MYO6: variants seen among roughly 807,000 people sequenced by gnomAD.
MYO6 encodes the protein unconventional myosin-VI.
Under a neutral mutation model 178.7 loss-of-function variants are expected in MYO6, and 74 were observed. The ratio of observed to expected loss-of-function variants is 0.41; its 90% CI spans 0.34 to 0.50. The LOEUF (loss-of-function observed/expected upper bound fraction) is 0.50, where lower values mean the gene tolerates loss of function less well. Ranked by LOEUF, MYO6 falls within the 20% of genes least tolerant of loss-of-function variation. The pLI is 0.09. For synonymous variants in MYO6, 477 were observed against 504.6 expected (o/e 0.95, Z 0.73); for missense variants, 1,330 against 1,547.4 (o/e 0.86, Z 2.36).
At chr6:75,870,150 A>G (rs1012694349) in intron 18 of MYO6, among the ~76,000 whole-genome samples, 3 of 152,068 alleles carry the variant, frequency 2.0e-5, no homozygotes, top group Admixed American at 6.6e-5. Flanking sequence ...GAGGATTTCT[A>G]TAGCTAGGCA....
intron 11 of MYO6, among the ~76,000 whole-genome samples, chr6:75,849,653 A>G (rs1292053799): frequency 6.6e-6 from 1 of 152,194 alleles, no homozygotes; most frequent in African/African-American, 2.4e-5. Flanking sequence ...CAAAGCTTTC[A>G]CAGTGTGGAA....
intron 1 of MYO6, among the ~76,000 whole-genome samples, chr6:75,758,415 G>A (rs1359349212): frequency 6.6e-6 from 1 of 152,020 alleles, no homozygotes; most frequent in African/African-American, 2.4e-5. Flanking sequence ...ACAATGCAGT[G>A]TTAAATTTCG....
intron 20 of MYO6, 58 bp downstream of exon 20, chr6:75,873,358 T>G: frequency 8.1e-7 from 1 of 1,233,616 alleles, no homozygotes; most frequent in Non-Finnish European, 1.2e-6. Flanking sequence ...TACAATTTAA[T>G]AGGTTCAGTA....
rs6941627 is a variant in MYO6, at chr6:75,817,319, A to G, written c.-47-182A>G. ...GATTCCGTCTCAAAAAAAAAAAAAAAAAAGTAGATAAAGGGGGCAGAGTTC... is the reference window on the plus strand; with the variant it reads ...GATTCCGTCTCAAAAAAAAAAAAAAGAAAGTAGATAAAGGGGGCAGAGTTC... On this transcript the variant is annotated intron_variant, in intron 1 of 34. Coordinates refer to ENST00000369977, the MANE Select transcript of MYO6 (RefSeq NM_004999.4). 0.068 allele frequency among the ~76,000 whole-genome samples: 10,362 copies of G among 151,624 alleles called. 466 individuals are homozygous for G. The highest frequency in any genetic ancestry group is 0.18 in the East Asian group (933 of 5,148).
chr6:75,786,076 C>T (rs1767535413), intron 1 of MYO6, among the ~76,000 whole-genome samples: 2 of 151,936 alleles, frequency 1.3e-5, no homozygotes, highest in East Asian at 1.9e-4. Flanking sequence ...CCACCACGCC[C>T]AGCTAAATTT....
intron 1 of MYO6, among the ~76,000 whole-genome samples, chr6:75,809,975 T>C (rs1770527780): frequency 6.7e-6 from 1 of 150,296 alleles, no homozygotes; most frequent in Admixed American, 6.6e-5. Context: ...TCCTAGCTCC[T>C]GTAGAGGCTG....
Position 75,866,583 on chromosome 6 carries a change from A to G in MYO6, c.1732A>G (p.Ile578Val), listed in dbSNP as rs1562264044. 1.2e-6 allele frequency: 2 copies of G among 1,614,106 alleles called. No individual in the cohort carries two copies. The highest frequency in any genetic ancestry group is 1.3e-5 in the African/African-American group (1 of 75,056). ...HRNIRDDEGF[I>V]IRHFAGAVCY... ...GAATATCAGAGACGACGAAGGCTTC[A>G]TTATCAGGCATTTTGCGGGGGCAGT... Residue 578 changes from isoleucine (I) to valine (V), a missense_variant, in exon 17 of 35, where the codon ATT becomes GTT. Transcript: ENST00000369977.
At chr6:75,906,708 G>T (rs952389489) in intron 30 of MYO6, among the ~76,000 whole-genome samples, 2 of 151,896 alleles carry the variant, frequency 1.3e-5, no homozygotes, top group Admixed American at 6.6e-5. Context: ...CAAACAAAAC[G>T]CAAAACCAAA....
intron 1 of MYO6, among the ~76,000 whole-genome samples, chr6:75,767,837 A>G (rs546307844): frequency 6.6e-6 from 1 of 152,154 alleles, no homozygotes; most frequent in East Asian, 1.9e-4. Context: ...TTCTTAAGCA[A>G]TTAAATTGGT....
At chr6:75,840,462 A>C in intron 7 of MYO6, 123 bp from the exon 8 acceptor site, 2 of 740,816 alleles carry the variant, frequency 2.7e-6, no homozygotes, top group African/African-American at 3.5e-5. Context: ...TGTCCCGCCC[A>C]TGTTAATATT....
chr6:75,818,614 A>C (rs906043621), intron 2 of MYO6, among the ~76,000 whole-genome samples: 1 of 152,226 alleles, frequency 6.6e-6, no homozygotes, highest in Non-Finnish European at 1.5e-5. Flanking sequence ...TCTATGATAC[A>C]TGGCTAACTA....
At chr6:75,792,039 C>T (rs1205303635) in intron 1 of MYO6, among the ~76,000 whole-genome samples, 1 of 152,220 alleles carries the variant, frequency 6.6e-6, no homozygotes, top group Non-Finnish European at 1.5e-5. Context: ...GAGCCTTGTC[C>T]TAGTGCTCTG....
intron 9 of MYO6, among the ~76,000 whole-genome samples, chr6:75,844,143 T>C (rs146262283): frequency 6.6e-6 from 1 of 152,328 alleles, no homozygotes; most frequent in Non-Finnish European, 1.5e-5. Flanking sequence ...GTTCATTCAC[T>C]TTTTATTAGA....
At chr6:75,840,144 A>T (rs1774067712) in intron 7 of MYO6, among the ~76,000 whole-genome samples, 1 of 148,966 alleles carries the variant, frequency 6.7e-6, no homozygotes, top group Non-Finnish European at 1.5e-5. Flanking sequence ...ATTACATGTG[A>T]ATTCCTTCAT....
At chr6:75,861,689 G>A (rs1776227389) in intron 15 of MYO6, among the ~76,000 whole-genome samples, 1 of 152,158 alleles carries the variant, frequency 6.6e-6, no homozygotes, top group African/African-American at 2.4e-5. Flanking sequence ...GGCAAACCTT[G>A]TTTTTAAAAC....
rs1259992532 is a variant in MYO6 at position 75,844,893 on chromosome 6, A to G, written c.817-4A>G. ...TTAATTATGTTTAATTTGTTTTGTCATAGTATTTAAACCGAGGCTGCACTA... is the reference window on the plus strand; with the variant it reads ...TTAATTATGTTTAATTTGTTTTGTCGTAGTATTTAAACCGAGGCTGCACTA... On this transcript the variant is annotated splice_polypyrimidine_tract_variant and splice_region_variant and intron_variant, in intron 9 of 34. Coordinates refer to ENST00000369977, the MANE Select transcript of MYO6 (RefSeq NM_004999.4). The G allele has an allele frequency of 1.2e-6, 2 of 1,606,104 alleles. No individual in the cohort carries two copies. The highest frequency in any genetic ancestry group is 1.1e-5 in the South Asian group (1 of 90,800).
chr6:75,803,350 T>G (rs1377712537), intron 1 of MYO6, among the ~76,000 whole-genome samples: 1 of 152,186 alleles, frequency 6.6e-6, no homozygotes, highest in Non-Finnish European at 1.5e-5. Flanking sequence ...TGTTCACTGT[T>G]TTAAGAATCA....
chr6:75,779,310 T>C (rs1423596094), intron 1 of MYO6, among the ~76,000 whole-genome samples: 1 of 152,136 alleles, frequency 6.6e-6, no homozygotes, highest in Middle Eastern at 3.2e-3. Context: ...GAGAACAGCC[T>C]GGCCAACATG....
intron 1 of MYO6, among the ~76,000 whole-genome samples, chr6:75,810,884 G>A (rs940636136): frequency 2.6e-5 from 4 of 152,196 alleles, no homozygotes; most frequent in African/African-American, 9.7e-5. Flanking sequence ...GCTTATGCCT[G>A]TAATCCCGGT....
Sources: gnomAD v4.1 joint callset for allele counts (sites outside exome capture counted in the v4.1 genomes callset) on GRCh38, gnomAD v4.1.1 for gene constraint, MANE v1.5 for transcripts, NCBI Gene and HGNC (gene_info 2026-07-23, HGNC 2026-07-21) for gene names.